The following SAXO1 variants were observed in gnomAD, a reference collection of about 807,000 sequenced individuals.
The protein encoded by SAXO1 is stabilizer of axonemal microtubules 1.
Under a neutral mutation model 17.5 loss-of-function variants are expected in SAXO1, and 21 were observed. The observed-to-expected ratio is 1.20, with a 90% confidence interval of 0.85 to 1.72. The LOEUF (loss-of-function observed/expected upper bound fraction) is 1.72, where lower values mean the gene tolerates loss of function less well. SAXO1 is among the 40% of genes most tolerant of loss of function. SAXO1 has a pLI of 0.00. For missense variants in SAXO1, 843 were observed against 596.0 expected (o/e 1.41, Z -4.32); for synonymous variants, 274 against 216.5 (o/e 1.27, Z -2.33).
intron 1 of SAXO1, among the ~76,000 whole-genome samples, chr9:18,954,672 G>A (rs1458752165): frequency 1.3e-5 from 2 of 152,078 alleles, no homozygotes; most frequent in African/African-American, 4.8e-5. Flanking sequence ...AAGGGGGCAT[G>A]GGAAATATCT....
At chr9:19,041,425 C>T (rs1220111567) in intron 1 of SAXO1, among the ~76,000 whole-genome samples, 1 of 152,058 alleles carries the variant, frequency 6.6e-6, no homozygotes, top group Non-Finnish European at 1.5e-5. Context: ...TAACATTCTG[C>T]GCAGAAATAG....
At chr9:18,982,374 G>A (rs7871205) in intron 1 of SAXO1, among the ~76,000 whole-genome samples, 78,661 of 152,064 alleles carry the variant, frequency 0.52, 21,922 homozygotes, top group Non-Finnish European at 0.63. Context: ...CAGGGAAGGT[G>A]TCCGAGGGAG....
intron 1 of SAXO1, among the ~76,000 whole-genome samples, chr9:19,004,567 G>A (rs1341807104): frequency 6.6e-6 from 1 of 152,172 alleles, no homozygotes; most frequent in African/African-American, 2.4e-5. Flanking sequence ...TCTTTTTCAT[G>A]GACATGGATG....
At chr9:19,044,484 A>C (rs1459634883) in intron 1 of SAXO1, among the ~76,000 whole-genome samples, 1 of 152,208 alleles carries the variant, frequency 6.6e-6, no homozygotes, top group African/African-American at 2.4e-5. Flanking sequence ...TGGCAAGAAC[A>C]AAAAATGGGG....
At chr9:19,002,592 G>C (rs908263525) in intron 1 of SAXO1, among the ~76,000 whole-genome samples, 1 of 152,024 alleles carries the variant, frequency 6.6e-6, no homozygotes, top group African/African-American at 2.4e-5. Context: ...GTTCAACATA[G>C]GCAAATTAAT....
intron 1 of SAXO1, among the ~76,000 whole-genome samples, chr9:19,019,516 G>A (rs142398890): frequency 1.0e-3 from 155 of 152,154 alleles, no homozygotes; most frequent in Non-Finnish European, 1.8e-3. Flanking sequence ...TTACCTTGAG[G>A]TCAGGAGTTT....
At chr9:18,946,439 G>T (rs747237443) in intron 2 of SAXO1, among the ~76,000 whole-genome samples, 1 of 151,926 alleles carries the variant, frequency 6.6e-6, no homozygotes, top group Non-Finnish European at 1.5e-5. Context: ...TCACATATAT[G>T]GGGTAGATTC....
At position 18,927,816 on chromosome 9, in the gene SAXO1, G is replaced by GA. The variant is rs1488091805; in HGVS notation, c.*235dup. 1.6e-5 allele frequency: 7 copies of GA among 447,750 alleles called. No individual in the cohort carries two copies. The highest frequency in any genetic ancestry group is 4.0e-5 in the African/African-American group (2 of 50,456). The allele number at this position is 447,750 out of a possible 1,614,324, so 27.7% of individuals were successfully genotyped here. On this transcript the variant is annotated 3_prime_UTR_variant, in exon 4 of 4. Transcript: ENST00000380534. ...TCCATAAGCACAAAGTAAAGGACCT[G>GA]AAACGGGGTGGGGATGCAGTAAAGG...
At chr9:19,036,752 C>A (rs947923188), upstream of SAXO1, among the ~76,000 whole-genome samples, 3 of 152,128 alleles carry the variant, frequency 2.0e-5, no homozygotes, top group Admixed American at 6.5e-5. Flanking sequence ...TCATGGAGAA[C>A]CTCTGCTAGG....
intron 1 of SAXO1, among the ~76,000 whole-genome samples, chr9:19,011,410 A>T (rs1834726353): frequency 6.6e-6 from 1 of 152,196 alleles, no homozygotes; most frequent in South Asian, 2.1e-4. Flanking sequence ...TGACTTAAAC[A>T]AAACATGGCT....
At chr9:18,940,351 T>C (rs991652580) in intron 3 of SAXO1, among the ~76,000 whole-genome samples, 1 of 152,154 alleles carries the variant, frequency 6.6e-6, no homozygotes, top group African/African-American at 2.4e-5. Flanking sequence ...TAGCTATCTA[T>C]GGGGGAGTGT....
At chr9:18,973,788 A>G (rs1285839517) in intron 1 of SAXO1, among the ~76,000 whole-genome samples, 2 of 152,186 alleles carry the variant, frequency 1.3e-5, no homozygotes, top group Non-Finnish European at 2.9e-5. Flanking sequence ...TACCTATTAT[A>G]TCCTGATCAC....
chr9:18,993,778 T>G (rs534125107), intron 1 of SAXO1, among the ~76,000 whole-genome samples: 211 of 152,280 alleles, frequency 1.4e-3, no homozygotes, highest in African/African-American at 4.9e-3. Context: ...AGCTACCATA[T>G]TACCATATTC....
rs567034948 is a variant in SAXO1 at position 19,000,759 on chromosome 9, G to C, written c.38+32112C>G. On this transcript the variant is annotated intron_variant, in intron 1 of 3. Coordinates refer to ENST00000380534, the MANE Select transcript of SAXO1 (RefSeq NM_153707.4). ...TGGAGGAAGATCTACCAAGCAAATG[G>C]AAAGCAAAAAAAAGCAGGGGTTGCA... 9.9e-5 allele frequency among the ~76,000 whole-genome samples: 15 copies of C among 151,910 alleles called. No homozygotes were observed. In the South Asian group the frequency reaches 1.7e-3, roughly 17 times the overall value.
chr9:19,031,152 G>A (rs780137627), intron 1 of SAXO1, among the ~76,000 whole-genome samples: 8 of 152,230 alleles, frequency 5.3e-5, no homozygotes, highest in Non-Finnish European at 1.5e-5. Flanking sequence ...ACCTCTTAAT[G>A]AGCATTCTGC....
chr9:18,951,306 C>T (rs1832031268), intron 1 of SAXO1, among the ~76,000 whole-genome samples: 2 of 152,136 alleles, frequency 1.3e-5, no homozygotes, highest in Admixed American at 1.3e-4. Context: ...CTCACAACAG[C>T]CCAGGAATTC....
intron 1 of SAXO1, among the ~76,000 whole-genome samples, chr9:18,973,571 G>T (rs954032896): frequency 6.6e-5 from 10 of 152,144 alleles, no homozygotes; most frequent in African/African-American, 2.4e-4. Context: ...CTGGTTAAAT[G>T]GCCCTCATGT....
At chr9:18,994,141 G>A (rs1362831045) in intron 1 of SAXO1, among the ~76,000 whole-genome samples, 1 of 152,120 alleles carries the variant, frequency 6.6e-6, no homozygotes, top group Non-Finnish European at 1.5e-5. Flanking sequence ...CAAAAATACA[G>A]GAAAAATTCA....
intron 1 of SAXO1, among the ~76,000 whole-genome samples, chr9:18,962,241 T>C (rs1832518178): frequency 6.6e-6 from 1 of 152,214 alleles, no homozygotes; most frequent in South Asian, 2.1e-4. Flanking sequence ...CTAATTTTTG[T>C]ATTTTTAGTA....
Sources: gnomAD v4.1 joint callset for allele counts (sites outside exome capture counted in the v4.1 genomes callset) on GRCh38, gnomAD v4.1.1 for gene constraint, MANE v1.5 for transcripts, NCBI Gene and HGNC (gene_info 2026-07-23, HGNC 2026-07-21) for gene names.